Variants in SDHAF3 observed in about 807,000 individuals in gnomAD.
SDHAF3 encodes succinate dehydrogenase assembly factor 3, mitochondrial.
In SDHAF3, 18 loss-of-function variants were observed where a neutral mutation model predicts 11.5. That is an observed-to-expected ratio of 1.56 (90% CI 1.08 to 2.32). SDHAF3 has a LOEUF of 2.32. Among genes scored for constraint, SDHAF3 ranks in the 30% most tolerant of loss-of-function variants. The pLI is 0.00. For synonymous variants in SDHAF3, 72 were observed against 59.3 expected (o/e 1.21, Z -0.99); for missense variants, 200 against 154.4 (o/e 1.30, Z -1.57).
chr7:97,147,440 A>G (rs549033828), intron 1 of SDHAF3, among the ~76,000 whole-genome samples: 1 of 152,362 alleles, frequency 6.6e-6, no homozygotes, highest in East Asian at 1.9e-4. Context: ...CTTTGATTAA[A>G]TAATTCCTAC....
At chr7:97,160,272 G>C (rs1789384387) in intron 1 of SDHAF3, among the ~76,000 whole-genome samples, 1 of 150,266 alleles carries the variant, frequency 6.7e-6, no homozygotes, top group Non-Finnish European at 1.5e-5. Context: ...TGTCTGGGAA[G>C]TGAGGAGCGC....
At chr7:97,170,146 A>G (rs1318443224) in intron 1 of SDHAF3, among the ~76,000 whole-genome samples, 1 of 151,838 alleles carries the variant, frequency 6.6e-6, no homozygotes, top group African/African-American at 2.4e-5. Flanking sequence ...ATTGATGCAT[A>G]GTGAACCACA....
intron 1 of SDHAF3, among the ~76,000 whole-genome samples, chr7:97,139,987 G>A (rs543784760): frequency 2.8e-4 from 43 of 152,060 alleles, no homozygotes; most frequent in Non-Finnish European, 5.3e-4. Context: ...TATTACCCTT[G>A]TCAAAACCCA....
chr7:97,172,013 CCTTT>C (rs1486436085), intron 1 of SDHAF3, among the ~76,000 whole-genome samples: 1 of 152,004 alleles, frequency 6.6e-6, no homozygotes, highest in Non-Finnish European at 1.5e-5. Context: ...GCTATTCCTT[CCTTT>C]CTTTCCCTTT....
intron 1 of SDHAF3, among the ~76,000 whole-genome samples, chr7:97,145,871 G>A (rs780768285): frequency 2.0e-5 from 3 of 152,110 alleles, no homozygotes; most frequent in Non-Finnish European, 4.4e-5. Flanking sequence ...CCCCAACAGA[G>A]AGAGAATCTT....
At position 97,157,014 on chromosome 7, in the gene SDHAF3, C is replaced by T. The variant is rs571520558; in HGVS notation, c.175-23998C>T. ...AGGCCCCTCCCTGTGTCCATGTATT[C>T]TCATTGTTCACCTCCCACTTTTAAG... On this transcript the variant is annotated intron_variant, in intron 1 of 1. Transcript: ENST00000432641. 2.6e-5 allele frequency among the ~76,000 whole-genome samples: 4 copies of T among 152,016 alleles called. No individual in the cohort carries two copies. The South Asian group carries it at 8.3e-4, about 32-fold the overall frequency.
At position 97,151,277 on chromosome 7, in the gene SDHAF3, CAGAA is replaced by C. The variant is rs200364855; in HGVS notation, c.175-29732_175-29729del. Among the ~76,000 whole-genome samples the C allele has an allele frequency of 9.2e-3, 1,395 of 152,182 alleles. 23 individuals are homozygous for C. Among genetic ancestry groups the C allele is most frequent in the African/African-American group, 0.031 (1,302 of 41,524 alleles). On this transcript the variant is annotated intron_variant, in intron 1 of 1. Transcript: ENST00000432641. ...CGAGAGTCTCACAAAATAAAAGACTCAGAAAGGCCAGATGATTGGAATTTTTATA... is the reference window on the plus strand; with the variant it reads ...CGAGAGTCTCACAAAATAAAAGACTCAGGCCAGATGATTGGAATTTTTATA...
intron 1 of SDHAF3, among the ~76,000 whole-genome samples, chr7:97,138,673 A>G (rs891324670): frequency 6.6e-6 from 1 of 152,244 alleles, no homozygotes; most frequent in Non-Finnish European, 1.5e-5. Context: ...GGGCATAGCA[A>G]CAGTACTTAC....
rs200721981 is a variant in SDHAF3, at chr7:97,156,415, A to AT, written c.175-24597_175-24596insT. ...TCATTAATGTGGCTGATGAGCTTGCACTAATAGTTGGAAAAGTATTCTCCA... is the reference window on the plus strand; with the variant it reads ...TCATTAATGTGGCTGATGAGCTTGCATCTAATAGTTGGAAAAGTATTCTCCA... On this transcript the variant is annotated intron_variant, in intron 1 of 1. Coordinates refer to ENST00000432641, the MANE Select transcript of SDHAF3 (RefSeq NM_020186.3). Among the ~76,000 whole-genome samples the AT allele has an allele frequency of 4.9e-3, 753 of 152,300 alleles. 8 individuals are homozygous for AT. The highest frequency in any genetic ancestry group is 0.017 in the African/African-American group (712 of 41,568).
intron 1 of SDHAF3, among the ~76,000 whole-genome samples, chr7:97,130,425 C>G (rs187937885): frequency 2.0e-5 from 3 of 152,170 alleles, no homozygotes; most frequent in Non-Finnish European, 4.4e-5. Flanking sequence ...AGCTCTGGCT[C>G]GGGAAGTCCT....
chr7:97,147,202 G>A (rs909034879), intron 1 of SDHAF3, among the ~76,000 whole-genome samples: 2 of 152,042 alleles, frequency 1.3e-5, no homozygotes, highest in African/African-American at 4.8e-5. Flanking sequence ...TCTTCTATTT[G>A]GGTATGAATA....
chr7:97,121,909 G>T (rs1457677611), intron 1 of SDHAF3, among the ~76,000 whole-genome samples: 2 of 149,126 alleles, frequency 1.3e-5, no homozygotes, highest in Non-Finnish European at 3.0e-5. Flanking sequence ...CCAGGCTGGA[G>T]TGCAGTGGCG....
intron 1 of SDHAF3, among the ~76,000 whole-genome samples, chr7:97,146,899 G>T (rs771097526): frequency 2.1e-4 from 32 of 151,056 alleles, no homozygotes; most frequent in Non-Finnish European, 3.8e-4. Context: ...CCATTCTCAC[G>T]CCTGGCTAAT....
At chr7:97,124,065 C>T (rs764875442) in intron 1 of SDHAF3, among the ~76,000 whole-genome samples, 8 of 152,130 alleles carry the variant, frequency 5.3e-5, no homozygotes, top group Non-Finnish European at 1.0e-4. Context: ...GTCATGAAGT[C>T]TTTGCCCATG....
intron 1 of SDHAF3, among the ~76,000 whole-genome samples, chr7:97,170,417 T>A (rs1191071797): frequency 1.3e-5 from 2 of 152,188 alleles, no homozygotes; most frequent in African/African-American, 4.8e-5. Context: ...ATAAGTTATG[T>A]AATATTACCT....
intron 1 of SDHAF3, among the ~76,000 whole-genome samples, chr7:97,167,128 G>A (rs1789518644): frequency 6.6e-6 from 1 of 151,364 alleles, no homozygotes; most frequent in African/African-American, 2.4e-5. Context: ...GATATGGTTT[G>A]GATGTGTGTC....
At chr7:97,147,016 C>T (rs548896591) in intron 1 of SDHAF3, among the ~76,000 whole-genome samples, 5 of 152,230 alleles carry the variant, frequency 3.3e-5, no homozygotes, top group South Asian at 4.1e-4. Flanking sequence ...GCTGGGATTA[C>T]AGGCGTGAGC....
chr7:97,127,329 G>A (rs58750450), intron 1 of SDHAF3, among the ~76,000 whole-genome samples: 1 of 152,146 alleles, frequency 6.6e-6, no homozygotes, highest in Non-Finnish European at 1.5e-5. Context: ...CGGACTGACT[G>A]TAACTGCTCT....
chr7:97,162,779 T>C (rs1562829343), intron 1 of SDHAF3, among the ~76,000 whole-genome samples: 1 of 152,234 alleles, frequency 6.6e-6, no homozygotes, highest in Non-Finnish European at 1.5e-5. Context: ...TTCCATTCTT[T>C]TGCATTTACT....
Sources: gnomAD v4.1 joint callset for allele counts (sites outside exome capture counted in the v4.1 genomes callset) on GRCh38, gnomAD v4.1.1 for gene constraint, MANE v1.5 for transcripts, NCBI Gene and HGNC (gene_info 2026-07-23, HGNC 2026-07-21) for gene names.